Variants in CLVS1 observed in about 807,000 individuals in gnomAD.
CLVS1 encodes clavesin 1.
CLVS1 carries 10 observed loss-of-function variants against 33.1 expected under a neutral mutation model. The observed-to-expected ratio is 0.30, with a 90% confidence interval of 0.19 to 0.51. The LOEUF is 0.51. Ranked by LOEUF, CLVS1 falls within the 20% of genes least tolerant of loss-of-function variation. The pLI is 0.97. For synonymous variants in CLVS1, 163 were observed against 166.1 expected (o/e 0.98, Z 0.14); for missense variants, 343 against 433.4 (o/e 0.79, Z 1.85).
chr8:60,968,919 A>G, the CLVS1 span, among the ~76,000 whole-genome samples: 1 of 152,008 alleles, frequency 6.6e-6, no homozygotes, highest in Non-Finnish European at 1.5e-5. Context: ...ATAAAAAAAA[A>G]TAAAAGAAAA....
intron 3 of CLVS1, among the ~76,000 whole-genome samples, chr8:61,441,386 T>G (rs1816538268): frequency 1.3e-5 from 2 of 152,316 alleles, no homozygotes; most frequent in African/African-American, 2.4e-5. Context: ...TCTCCACATT[T>G]GTTTCTCAGA....
At chr8:61,402,536 G>A (rs1475174898) in intron 3 of CLVS1, among the ~76,000 whole-genome samples, 2 of 152,082 alleles carry the variant, frequency 1.3e-5, no homozygotes, top group African/African-American at 4.8e-5. Flanking sequence ...ACCGGTTAAC[G>A]TACACACACG....
At chr8:61,195,086 A>C (rs1807575006) in intron 2 of CLVS1, among the ~76,000 whole-genome samples, 1 of 152,022 alleles carries the variant, frequency 6.6e-6, no homozygotes, top group East Asian at 1.9e-4. Context: ...CATAGCTTTA[A>C]ATGAATTAAT....
chr8:61,486,033 A>G (rs1319100918), intron 5 of CLVS1, among the ~76,000 whole-genome samples: 1 of 152,174 alleles, frequency 6.6e-6, no homozygotes, highest in Admixed American at 6.5e-5. Flanking sequence ...CCAACATGGC[A>G]CATGTATACA....
chr8:61,258,709 G>T (rs941029420), intron 2 of CLVS1, among the ~76,000 whole-genome samples: 1 of 152,064 alleles, frequency 6.6e-6, no homozygotes, highest in Admixed American at 6.6e-5. Flanking sequence ...ATTCAAAATC[G>T]CCACTAAGTT....
intron 2 of CLVS1, among the ~76,000 whole-genome samples, chr8:61,342,775 G>T (rs1449789605): frequency 6.6e-6 from 1 of 152,212 alleles, no homozygotes; most frequent in East Asian, 1.9e-4. Context: ...TTTGGAAGGA[G>T]GACATTCTGA....
intron 1 of CLVS1, among the ~76,000 whole-genome samples, chr8:61,068,225 ATG>A (rs143987701): frequency 0.13 from 14,498 of 113,722 alleles, 996 homozygotes; most frequent in East Asian, 0.27. Context: ...ATATGTATGT[ATG>A]TGTATATATA....
chr8:61,476,206 A>C (rs1348266627), intron 5 of CLVS1, among the ~76,000 whole-genome samples: 1 of 152,152 alleles, frequency 6.6e-6, no homozygotes, highest in Non-Finnish European at 1.5e-5. Context: ...GTAGCCTTGT[A>C]GCATAGTTTG....
chr8:61,116,983 T>C (rs1805737262), intron 1 of CLVS1, among the ~76,000 whole-genome samples: 4 of 144,638 alleles, frequency 2.8e-5, no homozygotes, highest in African/African-American at 1.1e-4. Context: ...TTTCACAATA[T>C]TGATTCTTCC....
At chr8:60,967,569 T>C in the CLVS1 span, 1 of 451,880 alleles carries the variant, frequency 2.2e-6, no homozygotes, top group Non-Finnish European at 4.5e-6. Flanking sequence ...CAGTGCATAC[T>C]TACCCTGTCG....
chr8:61,030,659 G>GGCTGTGGACAGGTT, the CLVS1 span, among the ~76,000 whole-genome samples: 1 of 152,220 alleles, frequency 6.6e-6, no homozygotes, highest in Non-Finnish European at 1.5e-5. Context: ...GTGGACAGGT[G>GGCTGTGGACAGGTT]GCTGTGGTCA....
At chr8:61,331,439 C>A (rs1811585974) in intron 2 of CLVS1, among the ~76,000 whole-genome samples, 1 of 151,134 alleles carries the variant, frequency 6.6e-6, no homozygotes, top group Admixed American at 6.6e-5. Context: ...TGTGAAATTC[C>A]CTCCTCCATT....
At chr8:61,417,494 T>A (rs1815484223) in intron 3 of CLVS1, among the ~76,000 whole-genome samples, 1 of 152,172 alleles carries the variant, frequency 6.6e-6, no homozygotes, top group Non-Finnish European at 1.5e-5. Flanking sequence ...GCTGCTTACC[T>A]GCCCAACTAC....
intron 5 of CLVS1, among the ~76,000 whole-genome samples, chr8:61,497,442 T>TGGGGG (rs59855401): frequency 5.5e-5 from 7 of 127,608 alleles, no homozygotes; most frequent in Admixed American, 8.0e-5. Flanking sequence ...AGGTTTTTAT[T>TGGGGG]GGGGGGGGGG....
intron 2 of CLVS1, among the ~76,000 whole-genome samples, chr8:61,252,208 T>C (rs1808964586): frequency 6.6e-6 from 1 of 152,232 alleles, no homozygotes; most frequent in Non-Finnish European, 1.5e-5. Context: ...TTGTTCAGTT[T>C]CCATGTAGTT....
the CLVS1 span, among the ~76,000 whole-genome samples, chr8:60,991,470 CTCTCA>C: frequency 1.3e-5 from 2 of 152,110 alleles, no homozygotes; most frequent in East Asian, 3.9e-4. Context: ...GTGAAAAATA[CTCTCA>C]TCTCCTTCCT....
intron 1 of CLVS1, among the ~76,000 whole-genome samples, chr8:61,086,213 T>C (rs963285714): frequency 6.6e-6 from 1 of 151,146 alleles, no homozygotes; most frequent in African/African-American, 2.4e-5. Context: ...GGAGCCAGAG[T>C]GAGACTCTGT....
chr8:61,251,704 G>A (rs905322749), intron 2 of CLVS1, among the ~76,000 whole-genome samples: 1 of 152,084 alleles, frequency 6.6e-6, no homozygotes, highest in African/African-American at 2.4e-5. Context: ...TTTGCATAGA[G>A]GTGTTTATAG....
At chr8:61,473,183 G>A (rs1169180350) in intron 5 of CLVS1, among the ~76,000 whole-genome samples, 1 of 152,014 alleles carries the variant, frequency 6.6e-6, no homozygotes, top group Non-Finnish European at 1.5e-5. Context: ...GGGAGGCATG[G>A]GGGTGGGATT....
Sources: allele counts gnomAD v4.1 joint callset (sites outside exome capture counted in the v4.1 genomes callset), GRCh38; gene constraint gnomAD v4.1.1; transcripts MANE v1.5; gene names NCBI Gene and HGNC (gene_info 2026-07-23, HGNC 2026-07-21).